The following ZNF490 variants were observed in gnomAD, a reference collection of about 807,000 sequenced individuals.
ZNF490 encodes zinc finger protein 490.
Under a neutral mutation model 17.7 loss-of-function variants are expected in ZNF490, and 11 were observed. That is an observed-to-expected ratio of 0.62 (90% CI 0.39 to 1.03). The LOEUF (loss-of-function observed/expected upper bound fraction) is 1.03. ZNF490 is among the 50% of genes least tolerant of loss of function. ZNF490 has a pLI of 0.00. For missense variants in ZNF490, 542 were observed against 643.4 expected, an observed-to-expected ratio of 0.84 and a Z score of 1.71; for synonymous variants, 222 against 216.1, an observed-to-expected ratio of 1.03 and a Z score of -0.24.
intron 2 of ZNF490, among the ~76,000 whole-genome samples, chr19:12,604,026 C>T (rs760630891): frequency 2.0e-5 from 3 of 152,186 alleles, no homozygotes; most frequent in African/African-American, 4.8e-5. Context: ...CTGTCCCCAC[C>T]TCCAGGGAGG....
At chr19:12,607,510 T>C (rs2023083164) in intron 2 of ZNF490, among the ~76,000 whole-genome samples, 1 of 151,842 alleles carries the variant, frequency 6.6e-6, no homozygotes, top group South Asian at 2.1e-4. Context: ...CAGAACATAA[T>C]AGTAATAGTA....
intron 2 of ZNF490, among the ~76,000 whole-genome samples, chr19:12,600,510 GTA>G: frequency 6.6e-6 from 1 of 152,120 alleles, no homozygotes; most frequent in South Asian, 2.1e-4. Flanking sequence ...GACTATATCT[GTA>G]TATATATGTT....
At chr19:12,594,069 T>C (rs1472997052) in intron 2 of ZNF490, among the ~76,000 whole-genome samples, 1 of 152,174 alleles carries the variant, frequency 6.6e-6, no homozygotes, top group Non-Finnish European at 1.5e-5. Context: ...GCAGCTCTAA[T>C]GGCATATAGT....
intron 2 of ZNF490, among the ~76,000 whole-genome samples, chr19:12,599,162 AGAAAGAAAGAAAAG>A (rs2022972714): frequency 1.5e-5 from 2 of 137,206 alleles, no homozygotes. Flanking sequence ...AAAAAAAAAA[AGAAAGAAAGAAAAG>A]AAAAAAAAAG....
intron 4 of ZNF490, 69 bp from the exon 5 acceptor site, chr19:12,581,793 A>G: frequency 7.4e-7 from 1 of 1,353,692 alleles, no homozygotes; most frequent in Admixed American, 2.3e-5. Flanking sequence ...AGCAAGTACC[A>G]GAATTACATT....
intron 2 of ZNF490, among the ~76,000 whole-genome samples, 198 bp from the exon 3 acceptor site, chr19:12,583,754 GCGCTCT>G (rs1260862937): frequency 0.083 from 5,503 of 66,346 alleles, 353 homozygotes; most frequent in Middle Eastern, 0.16. Flanking sequence ...AAAAATTATT[GCGCTCT>G]CTCTCTCTCT....
Position 12,578,298 on chromosome 19 carries a change from GGC to G in ZNF490, c.*2185_*2186del. The G allele has an allele frequency of 1.0e-6, 1 of 985,630 alleles. No individual in the cohort carries two copies. Among genetic ancestry groups the G allele is most frequent in the Non-Finnish European group, 1.2e-6 (1 of 830,070 alleles). 61.1% of individuals were successfully genotyped at this position (985,630 alleles called of 1,614,324 possible). On this transcript the variant is annotated 3_prime_UTR_variant, in exon 5 of 5. Coordinates refer to ENST00000311437, the MANE Select transcript of ZNF490 (RefSeq NM_020714.3). ...TCTGAGTGTCCTACAGCTAAGACATGGCAGAGTGTGTCTGTGACTCCACTAGC... is the reference window on the plus strand; with the variant it reads ...TCTGAGTGTCCTACAGCTAAGACATGAGAGTGTGTCTGTGACTCCACTAGC...
At chr19:12,609,604 T>C (rs1311307573) in intron 1 of ZNF490, among the ~76,000 whole-genome samples, 1 of 152,176 alleles carries the variant, frequency 6.6e-6, no homozygotes, top group Non-Finnish European at 1.5e-5. Flanking sequence ...AGGCTGGTTT[T>C]GGGCTCTTGG....
chr19:12,580,975 CATTT>C lies in ZNF490; in HGVS notation c.1096_1099del (p.Lys366ValfsTer105). 1.2e-6 allele frequency: 2 copies of C among 1,614,188 alleles called. No individual in the cohort carries two copies. The highest frequency in any genetic ancestry group is 1.7e-6 in the Non-Finnish European group (2 of 1,180,046). On this transcript the variant is annotated frameshift_variant, in exon 5 of 5. Transcript: ENST00000311437. LOFTEE classifies it low-confidence loss of function (END_TRUNC). ...ACTAGATGACTTGAAGGCTTCCCCACATTTCTTACATGTATAAGGTTGAACTCCG... is the reference window on the plus strand; with the variant it reads ...ACTAGATGACTTGAAGGCTTCCCCACCTTACATGTATAAGGTTGAACTCCG...
intron 2 of ZNF490, among the ~76,000 whole-genome samples, chr19:12,588,731 C>A (rs1266940707): frequency 6.6e-6 from 1 of 152,126 alleles, no homozygotes; most frequent in African/African-American, 2.4e-5. Context: ...AAATAAAATA[C>A]TTCCTAGCAA....
At chr19:12,594,682 A>T (rs2022912382) in intron 2 of ZNF490, among the ~76,000 whole-genome samples, 1 of 152,012 alleles carries the variant, frequency 6.6e-6, no homozygotes, top group African/African-American at 2.4e-5. Context: ...AAAAGCCCAA[A>T]TGATGTTGTG....
rs2022655797 is a variant in ZNF490, at chr19:12,577,315, C to A, written c.*3170G>T. 6.6e-6 allele frequency among the ~76,000 whole-genome samples: 1 copy of A among 152,200 alleles called. No individual in the cohort carries two copies. The highest frequency in any genetic ancestry group is 1.5e-5 in the Non-Finnish European group (1 of 68,024). On this transcript the variant is annotated 3_prime_UTR_variant, in exon 5 of 5. Transcript: ENST00000311437. ...CACTCCCATTCCTGTAGCAGAGATA[C>A]CCCTTAGTTCCCCAATACCTATCAC...
chr19:12,606,027 T>A (rs1455055904), intron 2 of ZNF490, among the ~76,000 whole-genome samples: 1 of 151,982 alleles, frequency 6.6e-6, no homozygotes, highest in Non-Finnish European at 1.5e-5. Flanking sequence ...ATTACAGGCA[T>A]GTGCCACCAC....
intron 2 of ZNF490, among the ~76,000 whole-genome samples, chr19:12,595,716 G>A (rs2022924340): frequency 6.6e-6 from 1 of 152,164 alleles, no homozygotes; most frequent in Admixed American, 6.6e-5. Context: ...TTGGGAGGCT[G>A]AGGCAGGTGG....
chr19:12,581,287 G>C lies in ZNF490; in HGVS notation c.788C>G (p.Thr263Ser). The change falls in exon 5 of 5, where the codon ACT (threonine) becomes AGT (serine). Residue 263 changes from threonine (T) to serine (S), a missense_variant. By Grantham distance (58) the Thr-to-Ser change is moderately conservative. Coordinates refer to ENST00000311437, the MANE Select transcript of ZNF490 (RefSeq NM_020714.3). ...KECGKAFRYLTALRRHEKNHT... is the reference protein window; with the variant it reads ...KECGKAFRYLSALRRHEKNHT... ...ATTTTTTTCATGGCGCCGAAGAGCA[G>C]TGAGATATCTGAATGCCTTCCCACA... 1 of 1,614,150 alleles carries C rather than the reference G, an allele frequency of 6.2e-7. No homozygotes were observed. The highest frequency in any genetic ancestry group is 8.5e-7 in the Non-Finnish European group (1 of 1,180,018).
At chr19:12,602,273 G>C (rs567168010) in intron 2 of ZNF490, among the ~76,000 whole-genome samples, 1 of 152,064 alleles carries the variant, frequency 6.6e-6, no homozygotes, top group Non-Finnish European at 1.5e-5. Flanking sequence ...TTTGGCTGGC[G>C]CGGTAGCTCC....
Position 12,610,782 on chromosome 19 carries a change from T to C in ZNF490, c.-102A>G. The C allele has an allele frequency of 8.2e-7, 1 of 1,224,032 alleles. No individual in the cohort carries two copies. Among genetic ancestry groups the C allele is most frequent in the Non-Finnish European group, 1.2e-6 (1 of 841,062 alleles). 75.8% of individuals were successfully genotyped at this position (1,224,032 alleles called of 1,614,324 possible). ...CACAATTGTCCACGGAGGGCACCAG[T>C]TCCGTCCCACCGGCGGAAGCGAGAT... On this transcript the variant is annotated 5_prime_UTR_variant, in exon 1 of 5. Coordinates refer to ENST00000311437, the MANE Select transcript of ZNF490 (RefSeq NM_020714.3).
Position 12,578,700 on chromosome 19 carries a change from T to C in ZNF490, c.*1785A>G. The C allele has an allele frequency of 5.1e-6, 5 of 985,436 alleles. No homozygotes were observed. In the South Asian group the frequency reaches 2.3e-4, roughly 46 times the overall value. The allele number at this position is 985,436 out of a possible 1,614,324, so 61.0% of individuals were successfully genotyped here. A position where few individuals can be genotyped will look rare whatever the true frequency, so the allele number is the denominator to read the frequency against. On this transcript the variant is annotated 3_prime_UTR_variant, in exon 5 of 5. Coordinates refer to ENST00000311437, the MANE Select transcript of ZNF490 (RefSeq NM_020714.3). Reference sequence around the variant, plus strand: ...CTGACCCGAGGACACTGATGGAAACTTAAAAGGCAGATTCTGGGAGTCTTC... The same window carrying C: ...CTGACCCGAGGACACTGATGGAAACCTAAAAGGCAGATTCTGGGAGTCTTC...
chr19:12,604,874 C>T (rs1050285027), intron 2 of ZNF490, among the ~76,000 whole-genome samples: 1 of 151,662 alleles, frequency 6.6e-6, no homozygotes, highest in Non-Finnish European at 1.5e-5. Context: ...CCTTTGTAGG[C>T]TGGGTGCAGT....
Sources: allele counts gnomAD v4.1 joint callset (sites outside exome capture counted in the v4.1 genomes callset), GRCh38; gene constraint gnomAD v4.1.1; transcripts MANE v1.5; gene names NCBI Gene and HGNC (gene_info 2026-07-23, HGNC 2026-07-21).